Variants in DSG4 observed in about 807,000 individuals in gnomAD.
DSG4 encodes desmoglein 4, also known as desmoglein-4.
Under a neutral mutation model 93.1 loss-of-function variants are expected in DSG4, and 87 were observed. That is an observed-to-expected ratio of 0.93 (90% CI 0.79 to 1.12). DSG4 has a LOEUF of 1.12. Among genes scored for constraint, DSG4 ranks in the 50% most tolerant of loss-of-function variants. The probability of loss-of-function intolerance (pLI) is 0.00; values close to 1 mark genes in which losing one functional copy is unlikely to be tolerated. For missense variants in DSG4, 1,373 were observed against 1,285.7 expected (o/e 1.07, Z -1.04); for synonymous variants, 432 against 452.9 (o/e 0.95, Z 0.59).
intron 1 of DSG4, among the ~76,000 whole-genome samples, chr18:31,383,095 T>C (rs2072153071): frequency 6.6e-6 from 1 of 152,204 alleles, no homozygotes; most frequent in South Asian, 2.1e-4. Context: ...GAATGCGCCC[T>C]TGAAAGCACA....
chr18:31,394,447 CAT>C (rs200938755), intron 8 of DSG4, among the ~76,000 whole-genome samples: 3,146 of 152,136 alleles, frequency 0.021, 106 homozygotes, highest in African/African-American at 0.071. Context: ...TGTGGTGACA[CAT>C]GTCTGTAATC....
intron 9 of DSG4, 80 bp downstream of exon 9, chr18:31,399,623 T>A: frequency 6.3e-7 from 1 of 1,587,322 alleles, no homozygotes; most frequent in Non-Finnish European, 8.6e-7. Context: ...ATGTTGGTTG[T>A]AATACTTTTG....
chr18:31,412,732 C>G (rs539765035), intron 15 of DSG4, 96 bp from the exon 16 acceptor site: 1 of 1,304,990 alleles, frequency 7.7e-7, no homozygotes, highest in Non-Finnish European at 1.1e-6. Context: ...TATTCCGTAA[C>G]AACTTAACTC....
intron 12 of DSG4, among the ~76,000 whole-genome samples, chr18:31,406,698 A>G (rs1184072761): frequency 6.6e-6 from 1 of 152,212 alleles, no homozygotes; most frequent in African/African-American, 2.4e-5. Flanking sequence ...AATTAAGTCC[A>G]TGTGGAAAAG....
chr18:31,397,546 A>T (rs1221252435), intron 8 of DSG4, among the ~76,000 whole-genome samples: 1 of 152,148 alleles, frequency 6.6e-6, no homozygotes, highest in Non-Finnish European at 1.5e-5. Context: ...CCAAGAGGAA[A>T]GGTTGACCCC....
At position 31,409,442 on chromosome 18, in the gene DSG4, T is replaced by C. The variant is rs1421338529; in HGVS notation, c.1934-10T>C. On this transcript the variant is annotated splice_polypyrimidine_tract_variant and intron_variant, in intron 12 of 15. Transcript: ENST00000308128. The stretch of plus-strand genomic sequence containing the variant: ...GTGTGTTAACTCGACATTGTCACTT[T>C]CTTGGGCAGTGGCTCCACTCTTGCT... 6.2e-7 allele frequency: 1 copy of C among 1,614,136 alleles called. No homozygotes were observed. The highest frequency in any genetic ancestry group is 2.2e-5 in the East Asian group (1 of 44,884).
rs1364138495 is a variant in DSG4 at position 31,413,587 on chromosome 18, C to A, written c.3115C>A (p.Gln1039Lys). The change falls in exon 16 of 16, where the codon CAA (glutamine) becomes AAA (lysine). Residue 1039 changes from glutamine (Q) to lysine (K), a missense_variant. By Grantham distance (53) the Gln-to-Lys change is moderately conservative. Coordinates refer to ENST00000308128, the MANE Select transcript of DSG4 (RefSeq NM_177986.5). ...ACGATACAGTAACATACATTACACC[C>A]AACAGTAAGTGCTTTATGGTCAGTA... is the stretch of plus-strand genomic sequence containing the variant. ...VTRYSNIHYT[Q>K]Q The A allele has an allele frequency of 5.6e-6, 9 of 1,613,378 alleles. No homozygotes were observed. In the East Asian group the frequency reaches 6.7e-5, roughly 12 times the overall value.
chr18:31,384,898 G>A (rs1229978975), intron 1 of DSG4, among the ~76,000 whole-genome samples: 3 of 152,000 alleles, frequency 2.0e-5, no homozygotes, highest in Non-Finnish European at 4.4e-5. Context: ...ATCCTCCATT[G>A]AGCCCACTGA....
rs1011449722 is a variant in DSG4 at position 31,414,731 on chromosome 18, T to C, written c.*1136T>C. 1 of 152,172 alleles carries C rather than the reference T, an allele frequency of 6.6e-6. No individual in the cohort carries two copies. Among genetic ancestry groups the C allele is most frequent in the African/African-American group, 2.4e-5 (1 of 41,450 alleles). The allele number at this position is 152,172 out of a possible 1,614,324, so 9.4% of individuals were successfully genotyped here. A position where few individuals can be genotyped will look rare whatever the true frequency, so the allele number is the denominator to read the frequency against. On this transcript the variant is annotated 3_prime_UTR_variant, in exon 16 of 16. Coordinates refer to ENST00000308128, the MANE Select transcript of DSG4 (RefSeq NM_177986.5). ...AACACTACTGTTTATGTTGAATAAA[T>C]AAAATGGAAACACATTGCTTACTTT... is the stretch of plus-strand genomic sequence containing the variant.
intron 5 of DSG4, among the ~76,000 whole-genome samples, chr18:31,389,348 G>T (rs748109224): frequency 1.3e-5 from 2 of 152,132 alleles, no homozygotes; most frequent in Non-Finnish European, 2.9e-5. Context: ...AGAAGGCTCT[G>T]TTCTGGTCTC....
At position 31,401,221 on chromosome 18, in the gene DSG4, A is replaced by G. The variant is rs182640402; in HGVS notation, c.1417+201A>G. 5.3e-5 allele frequency among the ~76,000 whole-genome samples: 8 copies of G among 152,316 alleles called. 1 individual carries two copies. The South Asian group carries it at 1.0e-3, about 20-fold the overall frequency. Reference sequence around the variant, plus strand: ...ACTGAAGCCATAGTTTATTTCATCTACTTCCAAAACTGAGTTGTATATGGC... The same window carrying G: ...ACTGAAGCCATAGTTTATTTCATCTGCTTCCAAAACTGAGTTGTATATGGC... On this transcript the variant is annotated intron_variant, in intron 10 of 15. Coordinates refer to ENST00000308128, the MANE Select transcript of DSG4 (RefSeq NM_177986.5).
intron 1 of DSG4, 132 bp from the exon 2 acceptor site, chr18:31,385,004 G>A: frequency 1.2e-6 from 1 of 830,546 alleles, no homozygotes; most frequent in Non-Finnish European, 2.0e-6. Flanking sequence ...TGTTAGCCAT[G>A]TTTATTTCAC....
rs1484878297 is a variant in DSG4, at chr18:31,388,959, A to G, written c.458A>G (p.Asn153Ser). 1 of 1,613,604 alleles carries G rather than the reference A, an allele frequency of 6.2e-7. No individual in the cohort carries two copies. Among genetic ancestry groups the G allele is most frequent in the Admixed American group, 1.7e-5 (1 of 59,974 alleles). ...GTCAAAGTTATGGACATAAATGATA[A>G]CGCTCCAGTCTTTTCGCAAAGTGTA... ...LRVKVMDIND[N>S]APVFSQSVYT... The change falls in exon 5 of 16, where the codon AAC becomes AGC. Residue 153 changes from asparagine (N) to serine (S), a missense_variant. Coordinates refer to ENST00000308128, the MANE Select transcript of DSG4 (RefSeq NM_177986.5).
At chr18:31,406,997 T>C (rs1236249291) in intron 12 of DSG4, among the ~76,000 whole-genome samples, 1 of 152,010 alleles carries the variant, frequency 6.6e-6, no homozygotes, top group Non-Finnish European at 1.5e-5. Flanking sequence ...AGGATGGTCT[T>C]GAACTCCTGA....
At chr18:31,402,750 A>T (rs188384744) in intron 10 of DSG4, among the ~76,000 whole-genome samples, 1 of 152,202 alleles carries the variant, frequency 6.6e-6, no homozygotes, top group East Asian at 1.9e-4. Context: ...TAGAGTAGAA[A>T]AGTGGACTAA....
In DSG4 at chr18:31,403,645, C is replaced by T. The variant is rs950867130; in HGVS notation, c.1636+11C>T. The T allele has an allele frequency of 8.1e-6, 13 of 1,613,296 alleles. No homozygotes were observed. Among genetic ancestry groups the T allele is most frequent in the African/African-American group, 6.7e-5 (5 of 74,850 alleles). On this transcript the variant is annotated intron_variant, in intron 11 of 15. Coordinates refer to ENST00000308128, the MANE Select transcript of DSG4 (RefSeq NM_177986.5). ...TCAGATCAACAAATGGTAAGTGAAA[C>T]GTAAGCTTGTTTTTTGGACTTTAAG...
At chr18:31,391,735 A>G (rs1010533244) in intron 7 of DSG4, among the ~76,000 whole-genome samples, 7 of 152,050 alleles carry the variant, frequency 4.6e-5, no homozygotes, top group Admixed American at 4.6e-4. Context: ...GCCTTTACAT[A>G]TTGTCTATGG....
In DSG4 at chr18:31,406,282, G is replaced by T. The variant is rs776889488; in HGVS notation, c.1842G>T (p.Gly614=). ...YTEDITGDTY[G]PVTEDQAGVS... ...AGGACATAACTGGTGACACGTATGGGCCTGTCACTGAAGACCAAGCTGGAG... is the reference window on the plus strand; with the variant it reads ...AGGACATAACTGGTGACACGTATGGTCCTGTCACTGAAGACCAAGCTGGAG... Residue 614 remains glycine (G), a synonymous_variant, in exon 12 of 16, where the codon GGG becomes GGT. Coordinates refer to ENST00000308128, the MANE Select transcript of DSG4 (RefSeq NM_177986.5). 56 of 1,614,112 alleles carry T rather than the reference G, an allele frequency of 3.5e-5. No individual in the cohort carries two copies. The highest frequency in any genetic ancestry group is 4.3e-5 in the Non-Finnish European group (51 of 1,180,050).
chr18:31,387,767 AT>A (rs1218135048), intron 3 of DSG4, among the ~76,000 whole-genome samples: 5 of 152,146 alleles, frequency 3.3e-5, no homozygotes, highest in Non-Finnish European at 7.4e-5. Context: ...TATAGGTGAG[AT>A]TTCAAAATTG....
Sources: gnomAD v4.1 joint callset for allele counts (sites outside exome capture counted in the v4.1 genomes callset) on GRCh38, gnomAD v4.1.1 for gene constraint, MANE v1.5 for transcripts, NCBI Gene and HGNC (gene_info 2026-07-23, HGNC 2026-07-21) for gene names.